Variants in RBFOX1 observed in about 807,000 individuals in gnomAD.
RBFOX1 encodes the protein RNA binding fox-1 homolog 1, also known as RNA binding protein fox-1 homolog 1.
A neutral mutation model predicts 57.7 loss-of-function variants in RBFOX1; 8 were observed. That is an observed-to-expected ratio of 0.14 (90% confidence interval 0.08 to 0.25). The LOEUF is 0.25. RBFOX1 is among the 10% of genes least tolerant of loss of function. The probability of loss-of-function intolerance (pLI) is 1.00; values close to 1 mark genes in which losing one functional copy is unlikely to be tolerated. For missense variants in RBFOX1, 611 were observed against 548.5 expected, an observed-to-expected ratio of 1.11 and a Z score of -1.14; for synonymous variants, 326 against 222.4, an observed-to-expected ratio of 1.47 and a Z score of -4.15.
At chr16:6,974,770 AC>A (rs2086435557) in intron 3 of RBFOX1, among the ~76,000 whole-genome samples, 1 of 150,830 alleles carries the variant, frequency 6.6e-6, no homozygotes, top group African/African-American at 2.4e-5. Context: ...GCACCAGAAA[AC>A]CCCCTGTGTT....
chr16:7,416,501 G>C (rs2098479296), intron 4 of RBFOX1, among the ~76,000 whole-genome samples: 1 of 152,098 alleles, frequency 6.6e-6, no homozygotes, highest in African/African-American at 2.4e-5. Flanking sequence ...TGTGCTGGGA[G>C]GGGGGCCTTG....
At chr16:6,108,228 G>C (rs1236018072) in intron 1 of RBFOX1, among the ~76,000 whole-genome samples, 1 of 152,060 alleles carries the variant, frequency 6.6e-6, no homozygotes, top group African/African-American at 2.4e-5. Context: ...TTTTCTCCTT[G>C]AGATAAAGAA....
At chr16:5,704,399 A>G (rs2151489146) in intron 3 of RBFOX1, among the ~76,000 whole-genome samples, 1 of 152,230 alleles carries the variant, frequency 6.6e-6, no homozygotes, top group Non-Finnish European at 1.5e-5. Context: ...GGGGGTCGCC[A>G]CAACTCACAG....
intron 1 of RBFOX1, among the ~76,000 whole-genome samples, chr16:5,404,459 C>G (rs556622479): frequency 6.6e-6 from 1 of 152,066 alleles, no homozygotes; most frequent in Non-Finnish European, 1.5e-5. Flanking sequence ...AAGTTTCTCC[C>G]GATCAGTGAT....
chr16:6,693,837 C>G (rs1013617283), intron 3 of RBFOX1, among the ~76,000 whole-genome samples: 3 of 152,216 alleles, frequency 2.0e-5, no homozygotes, highest in African/African-American at 4.8e-5. Context: ...CCATCACCAC[C>G]ATCATCCTTA....
chr16:6,685,079 C>A (rs929441622), intron 3 of RBFOX1, among the ~76,000 whole-genome samples: 2 of 152,138 alleles, frequency 1.3e-5, no homozygotes, highest in Non-Finnish European at 2.9e-5. Context: ...TTCAAACCTC[C>A]ATCCCTCATC....
intron 4 of RBFOX1, among the ~76,000 whole-genome samples, chr16:7,303,695 C>A (rs1047824927): frequency 6.6e-6 from 1 of 152,042 alleles, no homozygotes; most frequent in South Asian, 2.1e-4. Context: ...ACGGAGTGAG[C>A]TTCAGTGTGA....
chr16:6,045,969 TGTCATGAGTGAGGA>T, intron 1 of RBFOX1, among the ~76,000 whole-genome samples: 2 of 152,288 alleles, frequency 1.3e-5, no homozygotes, highest in Middle Eastern at 3.4e-3. Flanking sequence ...GTAGCCTTGG[TGTCATGAGTGAGGA>T]GATGAGTTGT....
At chr16:5,256,816 C>G (rs2062601066) in intron 1 of RBFOX1, among the ~76,000 whole-genome samples, 1 of 152,032 alleles carries the variant, frequency 6.6e-6, no homozygotes, top group African/African-American at 2.4e-5. Flanking sequence ...TGCCTGTAGT[C>G]CCAACTACTC....
chr16:5,255,865 C>A (rs9932214), intron 1 of RBFOX1, among the ~76,000 whole-genome samples: 4 of 151,552 alleles, frequency 2.6e-5, no homozygotes, highest in Non-Finnish European at 4.4e-5. Flanking sequence ...GAGCTGCCTC[C>A]TAGCTAGCTG....
rs188516534 is a variant in RBFOX1 at position 7,545,596 on chromosome 16, C to T, written c.270+27207C>T. Among the ~76,000 whole-genome samples the T allele has an allele frequency of 1.5e-3, 234 of 152,296 alleles. 1 individual carries two copies. Among genetic ancestry groups the T allele is most frequent in the Non-Finnish European group, 2.8e-3 (189 of 68,036 alleles). ...CTACTGCGGCTGTTTTACTGAACCC[C>T]AGCTCAGTCTCCACTTCTTTCCACC... On this transcript the variant is annotated intron_variant, in intron 5 of 15. Transcript: ENST00000550418.
intron 2 of RBFOX1, among the ~76,000 whole-genome samples, chr16:6,330,621 A>G (rs2082904384): frequency 6.6e-6 from 1 of 152,216 alleles, no homozygotes; most frequent in Admixed American, 6.5e-5. Context: ...TATGCTAGGC[A>G]TGTGCTAGCC....
intron 2 of RBFOX1, among the ~76,000 whole-genome samples, chr16:5,582,331 C>T (rs891448451): frequency 3.9e-5 from 6 of 152,112 alleles, no homozygotes; most frequent in Admixed American, 3.3e-4. Context: ...CGAAGTTGGG[C>T]TCACCTTCCA....
intron 4 of RBFOX1, among the ~76,000 whole-genome samples, chr16:7,391,818 G>T (rs542040186): frequency 2.0e-5 from 3 of 147,562 alleles, no homozygotes; most frequent in African/African-American, 8.1e-5. Flanking sequence ...ATGGAGAAAT[G>T]AATGAATGAA....
chr16:7,468,287 A>C (rs2060895368), intron 4 of RBFOX1, among the ~76,000 whole-genome samples: 1 of 152,154 alleles, frequency 6.6e-6, no homozygotes, highest in African/African-American at 2.4e-5. Context: ...ATGCTCTGGC[A>C]CCTTATCAAA....
intron 1 of RBFOX1, among the ~76,000 whole-genome samples, chr16:6,124,274 G>A (rs553851358): frequency 1.3e-5 from 2 of 152,304 alleles, no homozygotes; most frequent in South Asian, 4.1e-4. Context: ...AGAGTCTTCA[G>A]TCTCCATGGG....
rs57410575 is a variant in RBFOX1 at position 7,078,863 on chromosome 16, CTTTT to C, written c.27+26788_27+26791del. On this transcript the variant is annotated intron_variant, in intron 4 of 15. Transcript: ENST00000550418. ...ACGCCCAGCTAATTTATATATATAC[CTTTT>C]TTTTTTTTTTTTTTTTTTTTTTAGT... Among the ~76,000 whole-genome samples the C allele has an allele frequency of 9.6e-3, 504 of 52,712 alleles. 7 individuals carry two copies. The highest frequency in any genetic ancestry group is 0.038 in the African/African-American group (480 of 12,756). 34.6% of individuals were successfully genotyped at this position (52,712 alleles called of 152,430 possible).
At chr16:7,559,205 C>A (rs936373981) in intron 5 of RBFOX1, among the ~76,000 whole-genome samples, 1 of 152,234 alleles carries the variant, frequency 6.6e-6, no homozygotes, top group African/African-American at 2.4e-5. Flanking sequence ...TATAAAAGAT[C>A]GAAAGTATCA....
chr16:6,684,702 C>T (rs988857774), intron 3 of RBFOX1, among the ~76,000 whole-genome samples: 3 of 152,152 alleles, frequency 2.0e-5, no homozygotes, highest in Non-Finnish European at 2.9e-5. Flanking sequence ...AATTAAAGAT[C>T]ACCTTAAATT....
Sources: gnomAD v4.1 joint callset for allele counts (sites outside exome capture counted in the v4.1 genomes callset) on GRCh38, gnomAD v4.1.1 for gene constraint, MANE v1.5 for transcripts, NCBI Gene and HGNC (gene_info 2026-07-23, HGNC 2026-07-21) for gene names.